PDE4D: variants seen among roughly 807,000 people sequenced by gnomAD.
PDE4D encodes the protein 3',5'-cyclic-AMP phosphodiesterase 4D.
PDE4D carries 24 observed loss-of-function variants against 87.4 expected under a neutral mutation model. The ratio of observed to expected loss-of-function variants is 0.27; its 90% confidence interval spans 0.20 to 0.39. The LOEUF is 0.39. PDE4D is among the 10% of genes least tolerant of loss of function. The probability of loss-of-function intolerance (pLI) is 1.00; values close to 1 mark genes in which losing one functional copy is unlikely to be tolerated. For missense variants in PDE4D, 714 were observed against 1,041.0 expected (o/e 0.69, Z 4.32); for synonymous variants, 384 against 383.2 (o/e 1.00, Z -0.02).
chr5:59,552,818 C>T (rs1014914670), intron 1 of PDE4D, among the ~76,000 whole-genome samples: 2 of 152,202 alleles, frequency 1.3e-5, no homozygotes, highest in Admixed American at 1.3e-4. Flanking sequence ...TAACAAAATG[C>T]AAGATTCAAT....
At chr5:59,931,657 G>A (rs887175655) in intron 3 of PDE4D, among the ~76,000 whole-genome samples, 5 of 150,964 alleles carry the variant, frequency 3.3e-5, no homozygotes, top group African/African-American at 9.8e-5. Flanking sequence ...ACCTCTTAAA[G>A]GTCTCACTTC....
chr5:59,413,252 T>C (rs1792996945), intron 1 of PDE4D, among the ~76,000 whole-genome samples: 1 of 151,862 alleles, frequency 6.6e-6, no homozygotes, highest in Admixed American at 6.6e-5. Context: ...GGTCAGGAGA[T>C]CGAGACCATC....
At chr5:60,000,628 A>G (rs1269103575) in intron 2 of PDE4D, among the ~76,000 whole-genome samples, 1 of 152,232 alleles carries the variant, frequency 6.6e-6, no homozygotes, top group Non-Finnish European at 1.5e-5. Flanking sequence ...GGAAAAGGTA[A>G]ATATTTAGAC....
chr5:60,330,734 C>T (rs567588972), intron 1 of PDE4D, among the ~76,000 whole-genome samples: 14 of 152,334 alleles, frequency 9.2e-5, no homozygotes, highest in Admixed American at 5.2e-4. Flanking sequence ...ACTACAGAAG[C>T]ATATATGGTG....
intron 5 of PDE4D, among the ~76,000 whole-genome samples, chr5:59,061,409 A>G (rs1763090522): frequency 6.6e-6 from 1 of 152,158 alleles, no homozygotes; most frequent in Non-Finnish European, 1.5e-5. Context: ...CCCAGCTCCT[A>G]GAACAGTGCC....
In PDE4D at chr5:59,883,313, A is replaced by C. The variant is rs192956152; in HGVS notation, c.455+9855T>G. Among the ~76,000 whole-genome samples, 462 of 152,336 alleles carry C rather than the reference A, an allele frequency of 3.0e-3. 14 individuals are homozygous for C. Among genetic ancestry groups the C allele is most frequent in the Non-Finnish European group, 8.5e-4 (58 of 68,024 alleles). ...GCATCCAAATCAAATTCGGGTATTC[A>C]GGTGAGAACAAGAGGCTGAACGTGG... is the stretch of plus-strand genomic sequence containing the variant. On this transcript the variant is annotated intron_variant, in intron 1 of 14. Transcript: ENST00000340635.
chr5:59,425,282 G>T (rs1231715231), intron 1 of PDE4D, among the ~76,000 whole-genome samples: 1 of 152,028 alleles, frequency 6.6e-6, no homozygotes, highest in Non-Finnish European at 1.5e-5. Flanking sequence ...ATAAATAAAG[G>T]TCTTAAAAAA....
intron 1 of PDE4D, among the ~76,000 whole-genome samples, chr5:60,400,659 C>T (rs898216002): frequency 2.0e-5 from 3 of 151,570 alleles, no homozygotes; most frequent in African/African-American, 4.9e-5. Context: ...GGGCTGGGTG[C>T]GATGGCTCAC....
chr5:60,221,572 C>T (rs1744501939), intron 1 of PDE4D, among the ~76,000 whole-genome samples: 1 of 151,984 alleles, frequency 6.6e-6, no homozygotes, highest in African/African-American at 2.4e-5. Flanking sequence ...TGGAATATTT[C>T]CATTACCCCA....
At chr5:59,631,691 C>T (rs889462558) in intron 1 of PDE4D, among the ~76,000 whole-genome samples, 1 of 152,128 alleles carries the variant, frequency 6.6e-6, no homozygotes, top group Non-Finnish European at 1.5e-5. Flanking sequence ...AGGGACTGTG[C>T]CGTGAGGAAC....
chr5:59,069,003 G>T (rs1287790707), intron 5 of PDE4D, among the ~76,000 whole-genome samples: 1 of 152,186 alleles, frequency 6.6e-6, no homozygotes, highest in Non-Finnish European at 1.5e-5. Context: ...GAAAGAATTT[G>T]TTAGGGTATT....
intron 2 of PDE4D, among the ~76,000 whole-genome samples, chr5:60,039,544 C>G (rs1430543040): frequency 1.3e-5 from 2 of 151,486 alleles, no homozygotes; most frequent in Non-Finnish European, 2.9e-5. Context: ...ATGTAACTAA[C>G]CTGCACATTG....
intron 2 of PDE4D, among the ~76,000 whole-genome samples, chr5:60,064,961 C>T (rs557840799): frequency 6.6e-6 from 1 of 152,272 alleles, no homozygotes; most frequent in East Asian, 1.9e-4. Flanking sequence ...GTAGGAACTG[C>T]AAGTAATTCT....
chr5:60,351,781 T>TTTTATTTATTTATTTATTTA (rs144196649), intron 1 of PDE4D, among the ~76,000 whole-genome samples: 22 of 147,208 alleles, frequency 1.5e-4, no homozygotes, highest in East Asian at 1.0e-3. Flanking sequence ...CACCTAATTA[T>TTTTATTTATTTATTTATTTA]TTTATTTATT....
chr5:59,967,529 T>C (rs1760180668), intron 3 of PDE4D, among the ~76,000 whole-genome samples: 1 of 151,978 alleles, frequency 6.6e-6, no homozygotes, highest in Non-Finnish European at 1.5e-5. Flanking sequence ...ATCAGAGAAA[T>C]GCAAATCAAA....
rs1762239833 is a variant in PDE4D at position 59,984,670 on chromosome 5, G to A, written c.272+3818C>T. Among the ~76,000 whole-genome samples the A allele has an allele frequency of 2.0e-5, 3 of 152,294 alleles. No individual in the cohort carries two copies. In the South Asian group the frequency reaches 6.2e-4, roughly 32 times the overall value. On this transcript the variant is annotated intron_variant, in intron 3 of 16. Transcript: ENST00000502484. ...CTTGACCCAAGTACTTCATGAGGAAGCTAATAGCTGTCATCTACGACACTT... is the reference window on the plus strand; with the variant it reads ...CTTGACCCAAGTACTTCATGAGGAAACTAATAGCTGTCATCTACGACACTT...
chr5:59,033,229 T>C (rs1281858729), intron 6 of PDE4D, among the ~76,000 whole-genome samples: 1 of 152,214 alleles, frequency 6.6e-6, no homozygotes, highest in Non-Finnish European at 1.5e-5. Flanking sequence ...TGTTTGTTGT[T>C]TAAGCAAATA....
chr5:60,024,882 C>T (rs1408812034), intron 2 of PDE4D, among the ~76,000 whole-genome samples: 1 of 136,432 alleles, frequency 7.3e-6, no homozygotes, highest in Non-Finnish European at 1.6e-5. Flanking sequence ...ATGCTTCAAA[C>T]GCACAAACAA....
chr5:59,579,011 C>G (rs1416293109), intron 1 of PDE4D, among the ~76,000 whole-genome samples: 1 of 152,064 alleles, frequency 6.6e-6, no homozygotes, highest in Non-Finnish European at 1.5e-5. Context: ...CACAACTTTT[C>G]TCTGCTTTTA....
Sources: allele counts gnomAD v4.1 joint callset (sites outside exome capture counted in the v4.1 genomes callset), GRCh38; gene constraint gnomAD v4.1.1; transcripts MANE v1.5; gene names NCBI Gene and HGNC (gene_info 2026-07-23, HGNC 2026-07-21).